Variants in CPT1A observed in about 807,000 individuals in gnomAD.
CPT1A encodes the protein carnitine O-palmitoyltransferase 1, liver isoform.
CPT1A carries 64 observed loss-of-function variants against 100.8 expected under a neutral mutation model. That is an observed-to-expected ratio of 0.63 (90% confidence interval 0.52 to 0.78). The LOEUF (loss-of-function observed/expected upper bound fraction) is 0.78, where lower values mean the gene tolerates loss of function less well. Ranked by LOEUF, CPT1A falls within the 30% of genes least tolerant of loss-of-function variation. The pLI, the probability that CPT1A is intolerant of heterozygous loss-of-function variation, is 0.00. For synonymous variants in CPT1A, 363 were observed against 396.0 expected (o/e 0.92, Z 0.99); for missense variants, 802 against 1,034.1 (o/e 0.78, Z 3.08).
rs1212949782 is a variant in CPT1A, at chr11:68,756,141, G to A, written c.*1503C>T. The A allele has an allele frequency of 6.9e-6, 1 of 145,308 alleles. No individual in the cohort carries two copies. Among genetic ancestry groups the A allele is most frequent in the Non-Finnish European group, 1.5e-5 (1 of 67,018 alleles). The allele number at this position is 145,308 out of a possible 1,614,324, so 9.0% of individuals were successfully genotyped here. A position where few individuals can be genotyped will look rare whatever the true frequency, so the allele number is the denominator to read the frequency against. ...AAAAAAAAAAAAAAAAAAGGCACGT[G>A]TTCTCCGGCAAGCACCTTCCATCGA... On this transcript the variant is annotated 3_prime_UTR_variant, in exon 19 of 19. Coordinates refer to ENST00000265641, the MANE Select transcript of CPT1A (RefSeq NM_001876.4).
chr11:68,817,676 AGGGCAGG>A (rs1856467871), intron 1 of CPT1A, among the ~76,000 whole-genome samples: 1 of 93,792 alleles, frequency 1.1e-5, no homozygotes, highest in Non-Finnish European at 2.2e-5. Context: ...CTGGGGGTCA[AGGGCAGG>A]TGTCTGGGGT....
At chr11:68,801,063 G>A (rs916351110) in intron 5 of CPT1A, among the ~76,000 whole-genome samples, 5 of 151,960 alleles carry the variant, frequency 3.3e-5, no homozygotes, top group South Asian at 4.2e-4. Context: ...GAGCTAGGAC[G>A]GTGCCACTGC....
chr11:68,790,469 G>A (rs1461232431), intron 9 of CPT1A, among the ~76,000 whole-genome samples: 1 of 152,010 alleles, frequency 6.6e-6, no homozygotes, highest in Non-Finnish European at 1.5e-5. Context: ...TTGTAAGAGA[G>A]ACACACACAC....
chr11:68,772,427 G>C (rs900808547), intron 14 of CPT1A, among the ~76,000 whole-genome samples: 2 of 152,192 alleles, frequency 1.3e-5, no homozygotes, highest in Non-Finnish European at 2.9e-5. Flanking sequence ...AGGGCCCCCT[G>C]TCTGGGATGG....
At position 68,755,631 on chromosome 11, in the gene CPT1A, C is replaced by G. The variant is rs11228340; in HGVS notation, c.*2013G>C. On this transcript the variant is annotated 3_prime_UTR_variant, in exon 19 of 19. Transcript: ENST00000265641. ...TCACCGTGTTAGCCAGGATGGTCTC[C>G]ATCTCCTGACCTCGTGATCCGCCCG... 6,463 of 150,016 alleles carry G rather than the reference C, an allele frequency of 0.043. 169 individuals carry two copies. The highest frequency in any genetic ancestry group is 0.066 in the Middle Eastern group (19 of 290). 9.3% of individuals were successfully genotyped at this position (150,016 alleles called of 1,614,324 possible).
At chr11:68,808,779 A>G (rs1566373113) in intron 3 of CPT1A, among the ~76,000 whole-genome samples, 1 of 152,042 alleles carries the variant, frequency 6.6e-6, no homozygotes, top group Non-Finnish European at 1.5e-5. Flanking sequence ...AAACACCAAT[A>G]TATATAACCT....
chr11:68,788,608 A>AAAAC (rs774205593), intron 9 of CPT1A, among the ~76,000 whole-genome samples: 2 of 149,276 alleles, frequency 1.3e-5, no homozygotes, highest in Non-Finnish European at 3.0e-5. Context: ...CAAAAAAACA[A>AAAAC]AAACAAACAA....
At chr11:68,835,367 C>T (rs991500927) in intron 1 of CPT1A, among the ~76,000 whole-genome samples, 9 of 152,238 alleles carry the variant, frequency 5.9e-5, no homozygotes, top group African/African-American at 2.2e-4. Flanking sequence ...CCTAAGACAA[C>T]AGGAGCGGTG....
At chr11:68,768,583 T>G (rs566928647) in intron 14 of CPT1A, among the ~76,000 whole-genome samples, 1 of 152,088 alleles carries the variant, frequency 6.6e-6, no homozygotes, top group South Asian at 2.1e-4. Flanking sequence ...ATCTTGTATT[T>G]TTAGCAGAGA....
chr11:68,793,264 A>G, intron 9 of CPT1A, 51 bp downstream of exon 9: 2 of 1,372,272 alleles, frequency 1.5e-6, no homozygotes, highest in East Asian at 2.3e-5. Context: ...TTCTGAGCAT[A>G]GGGATGGAAA....
chr11:68,760,613 A>C (rs535778282), intron 16 of CPT1A, among the ~76,000 whole-genome samples: 5 of 152,364 alleles, frequency 3.3e-5, no homozygotes, highest in African/African-American at 1.2e-4. Flanking sequence ...TATATGGAGT[A>C]AGATTCGGAA....
intron 1 of CPT1A, chr11:68,818,559 C>A: frequency 6.6e-6 from 1 of 152,308 alleles, no homozygotes; most frequent in Non-Finnish European, 1.5e-5. Context: ...ATTTGCAAAG[C>A]AATCGACAAT....
At chr11:68,782,360 C>T (rs571139490) in intron 10 of CPT1A, among the ~76,000 whole-genome samples, 1 of 152,290 alleles carries the variant, frequency 6.6e-6, no homozygotes, top group Non-Finnish European at 1.5e-5. Context: ...AGAGTGCGTC[C>T]CTCATGCCAG....
Position 68,841,883 on chromosome 11 carries a change from G to T in CPT1A, c.-122C>A. ...GCCGGGGAAGGAGGGCCGCGGGCGA[G>T]GCCGAGCGCACCCGACGCCGGCAGC... is the stretch of plus-strand genomic sequence containing the variant. On this transcript the variant is annotated 5_prime_UTR_variant, in exon 1 of 19. Transcript: ENST00000265641. The surrounding 1 kb of genome is among the most constrained non-coding windows in gnomAD (Gnocchi z 6.3). 1.0e-6 allele frequency: 1 copy of T among 986,644 alleles called. No individual in the cohort carries two copies. Among genetic ancestry groups the T allele is most frequent in the Non-Finnish European group, 1.2e-6 (1 of 831,134 alleles). 61.1% of individuals were successfully genotyped at this position (986,644 alleles called of 1,614,324 possible). A position where few individuals can be genotyped will look rare whatever the true frequency, so the allele number is the denominator to read the frequency against.
At chr11:68,761,904 C>T (rs997667936) in intron 15 of CPT1A, among the ~76,000 whole-genome samples, 1 of 150,648 alleles carries the variant, frequency 6.6e-6, no homozygotes, top group African/African-American at 2.4e-5. Flanking sequence ...AGTCACCGCG[C>T]CCGGTCTGAC....
chr11:68,826,338 T>C (rs906561584), intron 1 of CPT1A, among the ~76,000 whole-genome samples: 1 of 151,242 alleles, frequency 6.6e-6, no homozygotes, highest in African/African-American at 2.4e-5. Context: ...CCCAGCTAAC[T>C]GGGAGGCTGA....
intron 16 of CPT1A, 89 bp from the exon 17 acceptor site, chr11:68,760,427 G>A (rs1272208423): frequency 1.9e-6 from 2 of 1,042,106 alleles, no homozygotes; most frequent in Non-Finnish European, 2.9e-6. Flanking sequence ...AGCCTGGCTT[G>A]GTCTTTTGAT....
intron 9 of CPT1A, among the ~76,000 whole-genome samples, chr11:68,787,517 A>ACTGTGT (rs899178760): frequency 3.9e-5 from 6 of 152,122 alleles, no homozygotes; most frequent in Non-Finnish European, 8.8e-5. Context: ...CACAGGCTGA[A>ACTGTGT]CTGTGTCCCC....
Position 68,830,164 on chromosome 11 carries a change from G to T in CPT1A, c.-14+11611C>A, listed in dbSNP as rs577357846. ...GTGGTGGCGCACACCGGTGGTCCTA[G>T]CCATTCTGGGGGCTGAGGTGGGAAG... On this transcript the variant is annotated intron_variant, in intron 1 of 18. Transcript: ENST00000265641. Among the ~76,000 whole-genome samples, 17 of 152,320 alleles carry T rather than the reference G, an allele frequency of 1.1e-4. No individual in the cohort carries two copies. In the South Asian group the frequency reaches 3.5e-3, roughly 32 times the overall value.
Sources: allele counts gnomAD v4.1 joint callset (sites outside exome capture counted in the v4.1 genomes callset), GRCh38; gene constraint gnomAD v4.1.1; non-coding constraint Gnocchi (gnomAD v3.1); transcripts MANE v1.5; gene names NCBI Gene and HGNC (gene_info 2026-07-23, HGNC 2026-07-21).